LTBP1: variants seen among roughly 807,000 people sequenced by gnomAD.
The protein encoded by LTBP1 is latent transforming growth factor beta binding protein 1, also known as latent-transforming growth factor beta-binding protein 1.
LTBP1 carries 129 observed loss-of-function variants against 207.6 expected under a neutral mutation model. That is an observed-to-expected ratio of 0.62 (90% CI 0.54 to 0.72). The LOEUF is 0.72. LTBP1 is among the 30% of genes least tolerant of loss of function. The pLI is 0.00. For missense variants in LTBP1, 2,281 were observed against 2,217.2 expected, an observed-to-expected ratio of 1.03 and a Z score of -0.58; for synonymous variants, 963 against 833.7, an observed-to-expected ratio of 1.16 and a Z score of -2.67.
chr2:33,223,672 G>A (rs536163314), intron 9 of LTBP1, among the ~76,000 whole-genome samples: 2 of 152,286 alleles, frequency 1.3e-5, no homozygotes, highest in East Asian at 3.9e-4. Flanking sequence ...TCTGTAGGAT[G>A]CATTAGTAGA....
chr2:33,309,559 A>G lies in LTBP1; in HGVS notation c.3604+3A>G. 5 of 1,602,908 alleles carry G rather than the reference A, an allele frequency of 3.1e-6. No homozygotes were observed. In the South Asian group the frequency reaches 4.5e-5, roughly 15 times the overall value. On this transcript the variant is annotated splice_donor_region_variant and intron_variant, in intron 23 of 33. Transcript: ENST00000404816. ...AGATGACAATAAAACATGTCAAGGT[A>G]TTTCTTGCTCTTTTTTCCCCAGTCA... is the stretch of plus-strand genomic sequence containing the variant.
At chr2:32,952,068 G>A (rs942420504) in intron 2 of LTBP1, among the ~76,000 whole-genome samples, 1 of 152,140 alleles carries the variant, frequency 6.6e-6, no homozygotes, top group Admixed American at 6.5e-5. Flanking sequence ...CAATTGATGC[G>A]AAAAAAATTT....
chr2:33,254,825 C>T (rs2092790732), intron 11 of LTBP1, among the ~76,000 whole-genome samples: 1 of 90,464 alleles, frequency 1.1e-5, no homozygotes, highest in Non-Finnish European at 2.0e-5. Flanking sequence ...TCAATTCCCA[C>T]CTATGAGTGA....
chr2:33,007,228 G>T (rs1432269225), intron 2 of LTBP1, among the ~76,000 whole-genome samples: 1 of 152,080 alleles, frequency 6.6e-6, no homozygotes, highest in African/African-American at 2.4e-5. Context: ...TGATCCGCCC[G>T]CCTCGGCTTC....
chr2:33,097,267 A>G (rs996551698), intron 3 of LTBP1, among the ~76,000 whole-genome samples: 1 of 152,200 alleles, frequency 6.6e-6, no homozygotes, highest in African/African-American at 2.4e-5. Flanking sequence ...TTAAGGCAAC[A>G]TATTAATAAT....
chr2:33,182,715 C>T (rs28415821), intron 5 of LTBP1, among the ~76,000 whole-genome samples: 1,958 of 67,648 alleles, frequency 0.029, 242 homozygotes, highest in African/African-American at 0.1. Context: ...CACACACACA[C>T]ACACACACAC....
At chr2:33,234,609 G>C (rs1341142133) in intron 9 of LTBP1, among the ~76,000 whole-genome samples, 1 of 152,174 alleles carries the variant, frequency 6.6e-6, no homozygotes, top group Non-Finnish European at 1.5e-5. Context: ...CATGCTCCTG[G>C]ATAGGAAGCA....
intron 3 of LTBP1, among the ~76,000 whole-genome samples, chr2:33,096,755 A>G (rs1350044160): frequency 2.0e-5 from 3 of 152,192 alleles, no homozygotes; most frequent in African/African-American, 7.2e-5. Flanking sequence ...TGAGAGTGAC[A>G]GAAAGTAGCT....
chr2:33,315,629 G>A (rs1309188796), intron 24 of LTBP1, among the ~76,000 whole-genome samples: 1 of 151,996 alleles, frequency 6.6e-6, no homozygotes, highest in East Asian at 1.9e-4. Flanking sequence ...CATGTAGATC[G>A]TCTTGATCAT....
chr2:33,205,941 G>A (rs1250890210), intron 7 of LTBP1, among the ~76,000 whole-genome samples: 1 of 152,092 alleles, frequency 6.6e-6, no homozygotes, highest in African/African-American at 2.4e-5. Context: ...CTAGGAGGAG[G>A]GGCCTCACCA....
rs111531960 is a variant in LTBP1 at position 33,107,800 on chromosome 2, C to T, written c.864-2782C>T. Reference sequence around the variant, plus strand: ...CGCCAACCACTTTGAACCAGAATCCCTGCAGTTTGTAATCTAATTTTCTCT... The same window carrying T: ...CGCCAACCACTTTGAACCAGAATCCTTGCAGTTTGTAATCTAATTTTCTCT... On this transcript the variant is annotated intron_variant, in intron 3 of 33. Transcript: ENST00000404816. 3.5e-3 allele frequency among the ~76,000 whole-genome samples: 529 copies of T among 152,286 alleles called. 7 individuals are homozygous for T. Among genetic ancestry groups the T allele is most frequent in the African/African-American group, 0.012 (495 of 41,562 alleles).
rs769690593 is a variant in LTBP1, at chr2:33,252,828, T to C, written c.2151T>C (p.Cys717=). ...GKAWGPHCEK[C]PLPGTAAFKE... is the part of the protein sequence containing the mutation. The stretch of plus-strand genomic sequence containing the variant: ...CCTGGGGCCCACACTGTGAGAAATG[T>C]CCCCTTCCAGGCACAGGTAAGACAT... Residue 717 remains cysteine, a synonymous_variant, in exon 11 of 34, where the codon TGT becomes TGC. Transcript: ENST00000404816. 11 of 1,607,106 alleles carry C rather than the reference T, an allele frequency of 6.8e-6. No individual in the cohort carries two copies. In the East Asian group the frequency reaches 2.5e-4, roughly 36 times the overall value.
At chr2:33,290,726 C>T (rs573308849) in intron 19 of LTBP1, among the ~76,000 whole-genome samples, 23 of 152,168 alleles carry the variant, frequency 1.5e-4, no homozygotes, top group Non-Finnish European at 3.1e-4. Flanking sequence ...CTGACTTGGG[C>T]ATTTGAGTAG....
Position 32,947,276 on chromosome 2 carries a change from G to C in LTBP1, c.-49G>C. On this transcript the variant is annotated 5_prime_UTR_variant, in exon 1 of 34. Coordinates refer to ENST00000404816, the MANE Select transcript of LTBP1 (RefSeq NM_206943.4). ...GGGGAAAGGCGAGCCGCACGGCCGG[G>C]GGAGGGGGCCGGACCGCGCGCGACC... The C allele has an allele frequency of 8.4e-7, 1 of 1,197,214 alleles. No individual in the cohort carries two copies. 74.2% of individuals were successfully genotyped at this position (1,197,214 alleles called of 1,614,324 possible).
intron 10 of LTBP1, among the ~76,000 whole-genome samples, 164 bp from the exon 11 acceptor site, chr2:33,252,513 G>A (rs1558887928): frequency 6.6e-6 from 1 of 152,122 alleles, no homozygotes; most frequent in East Asian, 1.9e-4. Flanking sequence ...AAACTCACAT[G>A]GTAAACTGAT....
chr2:33,387,221 A>G lies in LTBP1; in HGVS notation c.4712-1963A>G, dbSNP rs1018472611. Among the ~76,000 whole-genome samples, 6 of 152,352 alleles carry G rather than the reference A, an allele frequency of 3.9e-5. No individual in the cohort carries two copies. In the East Asian group the frequency reaches 1.2e-3, roughly 29 times the overall value. On this transcript the variant is annotated intron_variant, in intron 31 of 33. Coordinates refer to ENST00000404816, the MANE Select transcript of LTBP1 (RefSeq NM_206943.4). The stretch of plus-strand genomic sequence containing the variant: ...GAACAAGTCTGTCTTTCAGATGTAC[A>G]ACAAATGTATATAAAAAATAATGGG...
intron 5 of LTBP1, among the ~76,000 whole-genome samples, chr2:33,168,884 A>T (rs1397579434): frequency 6.6e-6 from 1 of 152,200 alleles, no homozygotes; most frequent in Non-Finnish European, 1.5e-5. Flanking sequence ...GCCTACCTAT[A>T]TGCTGTCAGT....
chr2:33,176,653 G>A (rs920487236), intron 5 of LTBP1, among the ~76,000 whole-genome samples: 5 of 152,160 alleles, frequency 3.3e-5, no homozygotes, highest in African/African-American at 1.2e-4. Context: ...AGAGAAAGTG[G>A]TGAACGAAAT....
rs527994774 is a variant in LTBP1, at chr2:33,304,363, T to C, written c.3481+2719T>C. Among the ~76,000 whole-genome samples, 5 of 152,356 alleles carry C rather than the reference T, an allele frequency of 3.3e-5. No individual in the cohort carries two copies. The South Asian group carries it at 1.0e-3, about 32-fold the overall frequency. ...GCCATAATTAACTAAACCGTGACTG[T>C]TCACACGCCTCTGACAGCTGTGCAA... is the stretch of plus-strand genomic sequence containing the variant. On this transcript the variant is annotated intron_variant, in intron 22 of 33. Transcript: ENST00000404816.
Sources: gnomAD v4.1 joint callset for allele counts (sites outside exome capture counted in the v4.1 genomes callset) on GRCh38, gnomAD v4.1.1 for gene constraint, MANE v1.5 for transcripts, NCBI Gene and HGNC (gene_info 2026-07-23, HGNC 2026-07-21) for gene names.